Variants in MAF observed in about 807,000 individuals in gnomAD.
The protein encoded by MAF is transcription factor Maf.
MAF carries 10 observed loss-of-function variants against 22.0 expected under a neutral mutation model. The ratio of observed to expected loss-of-function variants is 0.45; its 90% confidence interval spans 0.28 to 0.77. The LOEUF (loss-of-function observed/expected upper bound fraction) is 0.77. Among genes scored for constraint, MAF ranks in the 30% least tolerant of loss-of-function variants. MAF has a pLI of 0.12. For missense variants in MAF, 544 were observed against 548.4 expected (o/e 0.99, Z 0.08); for synonymous variants, 337 against 255.8 (o/e 1.32, Z -3.03).
At chr16:79,469,173 G>C in the MAF span, among the ~76,000 whole-genome samples, 1 of 152,136 alleles carries the variant, frequency 6.6e-6, no homozygotes, top group African/African-American at 2.4e-5. Flanking sequence ...TGTAAATACA[G>C]TTTTATTGGA....
At chr16:79,379,463 AG>A in the MAF span, among the ~76,000 whole-genome samples, 1 of 151,884 alleles carries the variant, frequency 6.6e-6, no homozygotes, top group Non-Finnish European at 1.5e-5. Context: ...CAGAGGACGT[AG>A]GAGCAGAAGT....
chr16:79,563,127 C>A, the MAF span, among the ~76,000 whole-genome samples: 1 of 152,138 alleles, frequency 6.6e-6, no homozygotes, highest in African/African-American at 2.4e-5. Context: ...ATCGTACGGG[C>A]TGAAGGCTGT....
the MAF span, among the ~76,000 whole-genome samples, chr16:79,427,662 C>T: frequency 1.4e-4 from 22 of 152,198 alleles, no homozygotes; most frequent in East Asian, 4.1e-3. Flanking sequence ...CCTCCACTTT[C>T]TGCCTCTCCT....
chr16:79,388,196 C>G, the MAF span, among the ~76,000 whole-genome samples: 1 of 150,368 alleles, frequency 6.7e-6, no homozygotes, highest in Non-Finnish European at 1.5e-5. Flanking sequence ...ATTTATAATG[C>G]CTTAAAACTT....
At chr16:79,460,733 G>A in the MAF span, among the ~76,000 whole-genome samples, 13 of 152,220 alleles carry the variant, frequency 8.5e-5, no homozygotes, top group African/African-American at 3.1e-4. Flanking sequence ...ACCTTGATAT[G>A]TTTCTCCAAG....
At chr16:79,230,525 T>G in the MAF span, among the ~76,000 whole-genome samples, 1 of 152,150 alleles carries the variant, frequency 6.6e-6, no homozygotes, top group South Asian at 2.1e-4. Flanking sequence ...TGGAAAACCA[T>G]GTAGTACAAA....
the MAF span, among the ~76,000 whole-genome samples, chr16:79,571,530 ATTTT>A: frequency 6.4e-4 from 66 of 103,874 alleles, 1 homozygote; most frequent in East Asian, 0.01. Flanking sequence ...TCTCAGCGGA[ATTTT>A]TTTTTTTTTT....
the MAF span, among the ~76,000 whole-genome samples, chr16:79,575,475 A>G: frequency 6.6e-6 from 1 of 152,196 alleles, no homozygotes; most frequent in Non-Finnish European, 1.5e-5. Flanking sequence ...ACAAGAGATG[A>G]ACACCTGACC....
chr16:79,324,396 C>T, the MAF span, among the ~76,000 whole-genome samples: 8 of 152,034 alleles, frequency 5.3e-5, no homozygotes, highest in African/African-American at 1.4e-4. Context: ...TCTGTGTGTA[C>T]GAAGCGCTGA....
At chr16:79,504,589 G>T in the MAF span, among the ~76,000 whole-genome samples, 2 of 152,152 alleles carry the variant, frequency 1.3e-5, no homozygotes, top group Admixed American at 6.5e-5. Flanking sequence ...ATGGATGGAT[G>T]GATGGATGGA....
the MAF span, among the ~76,000 whole-genome samples, chr16:79,323,068 T>C: frequency 1.4e-5 from 2 of 139,404 alleles, no homozygotes; most frequent in East Asian, 2.1e-4. Context: ...GAGAATGGTG[T>C]GAACCTGGGA....
the MAF span, among the ~76,000 whole-genome samples, chr16:79,227,005 A>G: frequency 6.6e-6 from 1 of 152,048 alleles, no homozygotes; most frequent in Non-Finnish European, 1.5e-5. Flanking sequence ...ACCAAGAAAC[A>G]TATATTTGAA....
the MAF span, among the ~76,000 whole-genome samples, chr16:79,221,044 A>C: frequency 6.6e-6 from 1 of 152,226 alleles, no homozygotes; most frequent in African/African-American, 2.4e-5. Context: ...AAACAAGCTA[A>C]ACTTTGGGTC....
At chr16:79,408,135 G>A in the MAF span, among the ~76,000 whole-genome samples, 1 of 143,204 alleles carries the variant, frequency 7.0e-6, no homozygotes, top group South Asian at 2.3e-4. Flanking sequence ...TTAAAAGCAT[G>A]TGCTTTAGCT....
the MAF span, among the ~76,000 whole-genome samples, chr16:79,517,632 T>C: frequency 2.1e-5 from 3 of 145,296 alleles, no homozygotes; most frequent in Admixed American, 1.4e-4. Flanking sequence ...TGGAGTGCGA[T>C]GGCAGGATCT....
the MAF span, among the ~76,000 whole-genome samples, chr16:79,313,034 T>C: frequency 1.3e-5 from 2 of 152,162 alleles, no homozygotes; most frequent in African/African-American, 4.8e-5. Context: ...AAGAGTAGAC[T>C]GGGCAAATAG....
the MAF span, among the ~76,000 whole-genome samples, chr16:79,356,634 G>A: frequency 6.6e-6 from 1 of 151,988 alleles, no homozygotes; most frequent in Non-Finnish European, 1.5e-5. Flanking sequence ...CACTCCACAG[G>A]GCCTTTGGAT....
chr16:79,389,686 C>T, the MAF span, among the ~76,000 whole-genome samples: 2 of 152,000 alleles, frequency 1.3e-5, no homozygotes, highest in African/African-American at 2.4e-5. Flanking sequence ...CCATCAAATC[C>T]TTAGATCAGG....
At chr16:79,333,429 T>C in the MAF span, among the ~76,000 whole-genome samples, 2 of 152,196 alleles carry the variant, frequency 1.3e-5, no homozygotes, top group African/African-American at 4.8e-5. Context: ...AAAGAGGACA[T>C]GACAACAGGC....
Sources: allele counts gnomAD v4.1 joint callset (sites outside exome capture counted in the v4.1 genomes callset), GRCh38; gene constraint gnomAD v4.1.1; transcripts MANE v1.5; gene names NCBI Gene and HGNC (gene_info 2026-07-23, HGNC 2026-07-21).